The following COL24A1 variants were observed in gnomAD, a reference collection of about 807,000 sequenced individuals.
COL24A1 encodes collagen type XXIV alpha 1 chain.
Under a neutral mutation model 253.9 loss-of-function variants are expected in COL24A1, and 224 were observed. The ratio of observed to expected loss-of-function variants is 0.88; its 90% CI spans 0.79 to 0.99. COL24A1 has a LOEUF of 0.99. Among genes scored for constraint, COL24A1 ranks in the 50% least tolerant of loss-of-function variants. The probability of loss-of-function intolerance (pLI) is 0.00; values close to 1 mark genes in which losing one functional copy is unlikely to be tolerated. For missense variants in COL24A1, 2,131 were observed against 2,068.5 expected (o/e 1.03, Z -0.59); for synonymous variants, 685 against 673.7 (o/e 1.02, Z -0.26).
chr1:85,791,643 T>C (rs1670285869), intron 47 of COL24A1, among the ~76,000 whole-genome samples: 1 of 152,112 alleles, frequency 6.6e-6, no homozygotes. Context: ...CCTAATAGAA[T>C]TCTGGATATT....
At chr1:85,855,265 A>G (rs1678291377) in intron 37 of COL24A1, among the ~76,000 whole-genome samples, 1 of 152,026 alleles carries the variant, frequency 6.6e-6, no homozygotes, top group South Asian at 2.1e-4. Context: ...TTCCAGTACT[A>G]TATTAAGTAG....
intron 2 of COL24A1, among the ~76,000 whole-genome samples, chr1:86,137,478 G>A (rs904871328): frequency 1.2e-4 from 18 of 152,288 alleles, no homozygotes; most frequent in African/African-American, 4.3e-4. Context: ...TACCCAGCTA[G>A]GGAGTGCAGA....
intron 43 of COL24A1, among the ~76,000 whole-genome samples, chr1:85,837,553 C>T (rs542596796): frequency 4.6e-5 from 7 of 152,198 alleles, no homozygotes; most frequent in South Asian, 2.1e-4. Flanking sequence ...TAGAACTAGA[C>T]GTTGTACAAG....
rs373634734 is a variant in COL24A1 at position 85,790,451 on chromosome 1, T to C, written c.3952-3990A>G. 2.2e-4 allele frequency among the ~76,000 whole-genome samples: 34 copies of C among 152,270 alleles called. No individual in the cohort carries two copies. The East Asian group carries it at 3.3e-3, about 15-fold the overall frequency. ...TATTTGATTCTTCTATCTTTTCTTC[T>C]TTATTAGATAGCTAATGATCTATTT... On this transcript the variant is annotated intron_variant, in intron 47 of 59. Coordinates refer to ENST00000370571, the MANE Select transcript of COL24A1 (RefSeq NM_152890.7).
chr1:85,786,472 C>T lies in COL24A1; in HGVS notation c.3952-11G>A. The stretch of plus-strand genomic sequence containing the variant: ...GCCGCCTCTGATGCCCTAAATAACA[C>T]AGATAAGAAATGAAAACTGGGAAAG... On this transcript the variant is annotated splice_polypyrimidine_tract_variant and intron_variant, in intron 47 of 59. Transcript: ENST00000370571. 1 of 1,604,830 alleles carries T rather than the reference C, an allele frequency of 6.2e-7. No homozygotes were observed. Among genetic ancestry groups the T allele is most frequent in the Non-Finnish European group, 8.5e-7 (1 of 1,176,112 alleles).
At chr1:85,997,927 C>T (rs1395918136) in intron 19 of COL24A1, among the ~76,000 whole-genome samples, 1 of 152,232 alleles carries the variant, frequency 6.6e-6, no homozygotes, top group East Asian at 1.9e-4. Context: ...ACTTTTTCTA[C>T]AGTGTGTTCC....
intron 10 of COL24A1, 34 bp from the exon 11 acceptor site, chr1:86,050,211 AT>A (rs747806956): frequency 3.2e-6 from 5 of 1,570,280 alleles, no homozygotes; most frequent in Admixed American, 1.7e-5. Flanking sequence ...ATATTAGTTC[AT>A]TTGAATATTC....
chr1:86,084,637 T>C (rs188076462), intron 7 of COL24A1, among the ~76,000 whole-genome samples: 1 of 152,314 alleles, frequency 6.6e-6, no homozygotes, highest in Admixed American at 6.5e-5. Context: ...CACAGAAATA[T>C]TTTAAAAGAC....
At chr1:86,034,183 A>C (rs2101543449) in intron 12 of COL24A1, among the ~76,000 whole-genome samples, 1 of 152,280 alleles carries the variant, frequency 6.6e-6, no homozygotes, top group East Asian at 1.9e-4. Flanking sequence ...AAATTGGAGA[A>C]GTTTGTTCAT....
intron 1 of COL24A1, among the ~76,000 whole-genome samples, chr1:86,150,093 T>C (rs556497439): frequency 6.6e-6 from 1 of 152,298 alleles, no homozygotes; most frequent in East Asian, 1.9e-4. Flanking sequence ...CTCCATCCAC[T>C]GGAAAGACCT....
At chr1:85,963,070 A>G (rs937812950) in intron 23 of COL24A1, among the ~76,000 whole-genome samples, 1 of 152,154 alleles carries the variant, frequency 6.6e-6, no homozygotes, top group African/African-American at 2.4e-5. Flanking sequence ...AATTAATTTT[A>G]CTTCTTTCTT....
chr1:85,759,451 T>C (rs138735621), intron 55 of COL24A1, among the ~76,000 whole-genome samples: 1 of 152,270 alleles, frequency 6.6e-6, no homozygotes, highest in East Asian at 1.9e-4. Context: ...AAAGAATGTG[T>C]AGGTGTCTTA....
At chr1:85,834,713 A>T (rs931541637) in intron 43 of COL24A1, among the ~76,000 whole-genome samples, 2 of 152,098 alleles carry the variant, frequency 1.3e-5, no homozygotes, top group Admixed American at 6.6e-5. Context: ...TTGGCTATTT[A>T]TGTTTCCATT....
chr1:85,926,164 G>C (rs1687185937), intron 24 of COL24A1, among the ~76,000 whole-genome samples: 1 of 152,196 alleles, frequency 6.6e-6, no homozygotes, highest in Non-Finnish European at 1.5e-5. Flanking sequence ...TCATTAAAAA[G>C]TCAGGAAACA....
At chr1:86,061,720 C>A (rs1701106640) in intron 8 of COL24A1, among the ~76,000 whole-genome samples, 3 of 152,030 alleles carry the variant, frequency 2.0e-5, no homozygotes, top group Admixed American at 2.0e-4. Context: ...GAGACAACCA[C>A]AGAAACTCAA....
intron 3 of COL24A1, among the ~76,000 whole-genome samples, chr1:86,123,460 A>G (rs1399634289): frequency 6.6e-6 from 1 of 151,990 alleles, no homozygotes; most frequent in African/African-American, 2.4e-5. Context: ...CTTTATCTTC[A>G]TTATGAAATA....
At chr1:85,956,799 CTTGAT>C (rs1315232626) in intron 24 of COL24A1, among the ~76,000 whole-genome samples, 2 of 152,150 alleles carry the variant, frequency 1.3e-5, no homozygotes, top group African/African-American at 4.8e-5. Context: ...AAAAGGCTTG[CTTGAT>C]TTAAGTATCA....
rs189484587 is a variant in COL24A1, at chr1:85,870,174, C to T, written c.3139-1339G>A. On this transcript the variant is annotated intron_variant, in intron 35 of 59. Transcript: ENST00000370571. ...ATCCTAAATATACATGCACCCAATACAGGAGCACCCAGATTCATAAAGCAA... is the reference window on the plus strand; with the variant it reads ...ATCCTAAATATACATGCACCCAATATAGGAGCACCCAGATTCATAAAGCAA... Among the ~76,000 whole-genome samples, 721 of 152,296 alleles carry T rather than the reference C, an allele frequency of 4.7e-3. 7 individuals are homozygous for T. The highest frequency in any genetic ancestry group is 0.017 in the African/African-American group (692 of 41,564).
intron 22 of COL24A1, among the ~76,000 whole-genome samples, chr1:85,966,010 A>T (rs541678587): frequency 3.3e-5 from 5 of 152,282 alleles, no homozygotes; most frequent in Non-Finnish European, 5.9e-5. Context: ...TCTAAGTTTT[A>T]ACAGGATCAC....
Sources: allele counts gnomAD v4.1 joint callset (sites outside exome capture counted in the v4.1 genomes callset), GRCh38; gene constraint gnomAD v4.1.1; transcripts MANE v1.5; gene names NCBI Gene and HGNC (gene_info 2026-07-23, HGNC 2026-07-21).